PCDH7: variants seen among roughly 807,000 people sequenced by gnomAD.
The protein encoded by PCDH7 is protocadherin-7.
In PCDH7, 17 loss-of-function variants were observed where a neutral mutation model predicts 58.9. The observed-to-expected ratio is 0.29, with a 90% CI of 0.20 to 0.43. The LOEUF is 0.43. Ranked by LOEUF, PCDH7 falls within the 20% of genes least tolerant of loss-of-function variation. PCDH7 has a pLI of 1.00. For synonymous variants in PCDH7, 664 were observed against 616.4 expected, an observed-to-expected ratio of 1.08 and a Z score of -1.14; for missense variants, 1,274 against 1,441.0, an observed-to-expected ratio of 0.88 and a Z score of 1.88.
At chr4:30,802,443 G>A (rs1285207273) in intron 1 of PCDH7, among the ~76,000 whole-genome samples, 1 of 152,070 alleles carries the variant, frequency 6.6e-6, no homozygotes, top group African/African-American at 2.4e-5. Context: ...AATTTGGTAG[G>A]TTTGTGGGTT....
rs148650654 is a variant in PCDH7, at chr4:30,964,823, A to G, written c.*7+14608A>G. On this transcript the variant is annotated intron_variant, in intron 3 of 3. Transcript: ENST00000509759. The stretch of plus-strand genomic sequence containing the variant: ...CTTTTCCACATTTTACAGGTGAACT[A>G]CTTAGGTTTTGTTGGTTTGTTTTTT... Among the ~76,000 whole-genome samples, 4 of 152,212 alleles carry G rather than the reference A, an allele frequency of 2.6e-5. No homozygotes were observed. In the East Asian group the frequency reaches 7.7e-4, roughly 29 times the overall value.
At chr4:30,988,856 A>G (rs1187660340) in intron 3 of PCDH7, among the ~76,000 whole-genome samples, 4 of 152,174 alleles carry the variant, frequency 2.6e-5, no homozygotes, top group Non-Finnish European at 4.4e-5. Context: ...GGTAGTATTA[A>G]TGCATGTACA....
At chr4:30,826,447 A>G (rs769718775) in intron 1 of PCDH7, among the ~76,000 whole-genome samples, 2 of 152,056 alleles carry the variant, frequency 1.3e-5, no homozygotes, top group African/African-American at 4.8e-5. Flanking sequence ...CCTCGGTCCA[A>G]CTGAGTCTCC....
intron 3 of PCDH7, among the ~76,000 whole-genome samples, chr4:30,974,145 GTTCTTTCT>G (rs148838411): frequency 4.6e-5 from 7 of 150,900 alleles, no homozygotes; most frequent in African/African-American, 1.2e-4. Context: ...TGGTGTTGCA[GTTCTTTCT>G]TTCTTTCTTT....
chr4:31,073,718 A>G (rs1758750707), intron 3 of PCDH7, among the ~76,000 whole-genome samples: 1 of 152,206 alleles, frequency 6.6e-6, no homozygotes, highest in African/African-American at 2.4e-5. Context: ...TGGTGGGATT[A>G]TTTCACTGTT....
intron 1 of PCDH7, among the ~76,000 whole-genome samples, chr4:30,895,619 G>C (rs1156688736): frequency 6.6e-6 from 1 of 152,050 alleles, no homozygotes; most frequent in Non-Finnish European, 1.5e-5. Context: ...AGTTAGAGCA[G>C]GACATTATTT....
chr4:30,782,367 C>T (rs894763821), intron 1 of PCDH7, among the ~76,000 whole-genome samples: 3 of 152,114 alleles, frequency 2.0e-5, no homozygotes, highest in African/African-American at 7.2e-5. Context: ...CTACCACTTA[C>T]CTGTGTGATT....
intron 1 of PCDH7, among the ~76,000 whole-genome samples, chr4:30,804,076 A>C (rs1044264650): frequency 6.6e-6 from 1 of 152,238 alleles, no homozygotes; most frequent in Non-Finnish European, 1.5e-5. Flanking sequence ...TAATACTGTT[A>C]CATTGGGTTT....
At chr4:30,774,169 C>T (rs574323992) in intron 1 of PCDH7, among the ~76,000 whole-genome samples, 2 of 152,230 alleles carry the variant, frequency 1.3e-5, no homozygotes, top group South Asian at 2.1e-4. Flanking sequence ...TCCCTGTCTC[C>T]ACCCATACCC....
At chr4:31,047,291 G>C (rs552225655) in intron 3 of PCDH7, among the ~76,000 whole-genome samples, 1 of 151,974 alleles carries the variant, frequency 6.6e-6, no homozygotes, top group Non-Finnish European at 1.5e-5. Context: ...AATTTCCCAC[G>C]CATGTGTACA....
At chr4:30,956,132 T>C (rs1747840930) in intron 3 of PCDH7, among the ~76,000 whole-genome samples, 1 of 151,176 alleles carries the variant, frequency 6.6e-6, no homozygotes, top group Non-Finnish European at 1.5e-5. Flanking sequence ...GAGAATGGCA[T>C]GAACCCAGGA....
At chr4:30,814,501 C>T (rs536208899) in intron 1 of PCDH7, among the ~76,000 whole-genome samples, 1 of 151,966 alleles carries the variant, frequency 6.6e-6, no homozygotes, top group African/African-American at 2.4e-5. Flanking sequence ...ACTTTTTCTT[C>T]TCTGAACGTT....
At chr4:30,740,287 A>C (rs749882902) in intron 1 of PCDH7, among the ~76,000 whole-genome samples, 30 of 152,262 alleles carry the variant, frequency 2.0e-4, no homozygotes, top group Admixed American at 8.5e-4. Flanking sequence ...CAACCTTGCT[A>C]TTTTAGTATC....
At chr4:31,088,481 G>A (rs990038177) in intron 3 of PCDH7, among the ~76,000 whole-genome samples, 4 of 151,816 alleles carry the variant, frequency 2.6e-5, no homozygotes, top group African/African-American at 7.3e-5. Flanking sequence ...TATCTCATAC[G>A]TCATAAATTT....
chr4:30,916,378 A>G (rs67502847), intron 1 of PCDH7, among the ~76,000 whole-genome samples: 34,355 of 152,188 alleles, frequency 0.23, 4,260 homozygotes, highest in East Asian at 0.29. Flanking sequence ...ACTTACCTAA[A>G]GAAATTCTTT....
At chr4:30,740,548 T>C (rs1450919048) in intron 1 of PCDH7, among the ~76,000 whole-genome samples, 1 of 152,132 alleles carries the variant, frequency 6.6e-6, no homozygotes, top group Non-Finnish European at 1.5e-5. Context: ...AATAATTTCA[T>C]TATTTTTGTT....
intron 2 of PCDH7, among the ~76,000 whole-genome samples, chr4:30,930,037 C>T (rs1186000601): frequency 2.0e-5 from 3 of 152,144 alleles, no homozygotes; most frequent in Admixed American, 6.6e-5. Flanking sequence ...ATGACACAGG[C>T]TCTGTTTGCT....
intron 1 of PCDH7, among the ~76,000 whole-genome samples, chr4:30,844,232 T>A (rs1379369745): frequency 6.6e-6 from 1 of 152,186 alleles, no homozygotes; most frequent in Non-Finnish European, 1.5e-5. Flanking sequence ...GCATCAACAA[T>A]ACGATCCCAA....
intron 1 of PCDH7, among the ~76,000 whole-genome samples, chr4:30,817,306 A>G (rs749337674): frequency 3.9e-5 from 6 of 152,108 alleles, no homozygotes; most frequent in African/African-American, 1.4e-4. Context: ...TGAGGCTTTT[A>G]CTTATAGTGC....
Sources: allele counts gnomAD v4.1 joint callset (sites outside exome capture counted in the v4.1 genomes callset), GRCh38; gene constraint gnomAD v4.1.1; transcripts MANE v1.5; gene names NCBI Gene and HGNC (gene_info 2026-07-23, HGNC 2026-07-21).